The following PLPP1 variants were observed in gnomAD, a reference collection of about 807,000 sequenced individuals.
PLPP1 encodes phospholipid phosphatase 1.
In PLPP1, 24 loss-of-function variants were observed where a neutral mutation model predicts 31.2. The ratio of observed to expected loss-of-function variants is 0.77; its 90% CI spans 0.56 to 1.08. The LOEUF is 1.08. Ranked by LOEUF, PLPP1 falls within the 50% of genes least tolerant of loss-of-function variation. PLPP1 has a pLI of 0.00. For synonymous variants in PLPP1, 146 were observed against 126.3 expected (o/e 1.16, Z -1.05); for missense variants, 319 against 342.7 (o/e 0.93, Z 0.55).
In PLPP1 at chr5:55,425,976, C is replaced by A. The variant is rs201844618; in HGVS notation, c.613G>T (p.Gly205Cys). ...ARLLRPTLQF[G>C]LVAVSIYVGL... The stretch of plus-strand genomic sequence containing the variant: ...ACATAAATGGATACGGCAACAAGAC[C>A]AAATTGCAGTGTGGGGCGTAAGAGT... The change falls in exon 5 of 6, where the codon GGT becomes TGT. Residue 205 changes from glycine to cysteine, a missense_variant. By Grantham distance (159) the Gly-to-Cys change is radical. Coordinates refer to ENST00000307259, the MANE Select transcript of PLPP1 (RefSeq NM_003711.4). 5 of 1,613,820 alleles carry A rather than the reference C, an allele frequency of 3.1e-6. No individual in the cohort carries two copies. The East Asian group carries it at 8.9e-5, about 29-fold the overall frequency.
At position 55,464,385 on chromosome 5, in the gene PLPP1, C is replaced by G. The variant is rs555733360; in HGVS notation, c.491+3484G>C. ...AAGTAGCTGGGATTACAGGTGTGCA[C>G]CACCACACCTCGCTAATTTCTGTTA... On this transcript the variant is annotated intron_variant, in intron 3 of 5. Coordinates refer to ENST00000307259, the MANE Select transcript of PLPP1 (RefSeq NM_003711.4). Among the ~76,000 whole-genome samples, 25 of 152,016 alleles carry G rather than the reference C, an allele frequency of 1.6e-4. No homozygotes were observed. The South Asian group carries it at 5.0e-3, about 30-fold the overall frequency.
At chr5:55,461,201 A>T (rs1752147261) in intron 3 of PLPP1, among the ~76,000 whole-genome samples, 1 of 152,148 alleles carries the variant, frequency 6.6e-6, no homozygotes, top group Non-Finnish European at 1.5e-5. Flanking sequence ...TCTCAGTTTT[A>T]AAAAATTAAA....
At chr5:55,524,373 C>G (rs955459644) in intron 1 of PLPP1, among the ~76,000 whole-genome samples, 1 of 152,134 alleles carries the variant, frequency 6.6e-6, no homozygotes, top group African/African-American at 2.4e-5. Flanking sequence ...GGCCATGGGT[C>G]GGACAAGCTT....
rs560096688 is a variant in PLPP1 at position 55,499,270 on chromosome 5, T to C, written c.59-23820A>G. Among the ~76,000 whole-genome samples the C allele has an allele frequency of 2.6e-5, 4 of 152,316 alleles. No homozygotes were observed. In the East Asian group the frequency reaches 7.7e-4, roughly 29 times the overall value. ...TCCATGATACACATGTTGAACTTCC[T>C]ATGTCCATATCCATCCTCCACATCC... On this transcript the variant is annotated intron_variant, in intron 1 of 5. Transcript: ENST00000307259.
intron 1 of PLPP1, among the ~76,000 whole-genome samples, chr5:55,500,554 T>C (rs997091074): frequency 6.6e-6 from 1 of 152,138 alleles, no homozygotes; most frequent in African/African-American, 2.4e-5. Flanking sequence ...GAAAACTTAT[T>C]TTCTACTGTA....
intron 1 of PLPP1, among the ~76,000 whole-genome samples, chr5:55,482,099 T>C (rs939658783): frequency 2.7e-5 from 4 of 147,744 alleles, no homozygotes; most frequent in Admixed American, 1.4e-4. Context: ...TATTTAAATA[T>C]TATATTTAAG....
intron 1 of PLPP1, among the ~76,000 whole-genome samples, chr5:55,531,452 C>T (rs1260801752): frequency 6.6e-6 from 1 of 152,180 alleles, no homozygotes; most frequent in African/African-American, 2.4e-5. Context: ...GTAACATCAT[C>T]ATATTAAAAT....
At position 55,451,667 on chromosome 5, in the gene PLPP1, T is replaced by C. The variant is rs1751895703; in HGVS notation, c.492-9759A>G. 3.3e-5 allele frequency among the ~76,000 whole-genome samples: 5 copies of C among 152,064 alleles called. No homozygotes were observed. The South Asian group carries it at 1.0e-3, about 32-fold the overall frequency. The stretch of plus-strand genomic sequence containing the variant: ...ACCTCTGCCTTCCGGGTTCAGGCAG[T>C]TCTCCTGCCTCAGCCTCCTGAGTAG... On this transcript the variant is annotated intron_variant, in intron 3 of 5. Transcript: ENST00000307259.
At chr5:55,482,271 C>A (rs528988922) in intron 1 of PLPP1, among the ~76,000 whole-genome samples, 2 of 151,370 alleles carry the variant, frequency 1.3e-5, no homozygotes, top group Middle Eastern at 3.4e-3. Flanking sequence ...CTTTGTCCCC[C>A]CTCACCCCCG....
chr5:55,499,347 T>C (rs894069100), intron 1 of PLPP1, among the ~76,000 whole-genome samples: 4 of 152,226 alleles, frequency 2.6e-5, no homozygotes, highest in African/African-American at 9.6e-5. Context: ...AAGATTCCCA[T>C]GTAAAAAGTT....
At chr5:55,484,464 A>T (rs184454773) in intron 1 of PLPP1, 98 of 152,294 alleles carry the variant, frequency 6.4e-4, no homozygotes, top group African/African-American at 2.3e-3. Flanking sequence ...CCAACTCCTA[A>T]GTAAACTTGG....
chr5:55,471,185 T>C (rs1017086107), intron 2 of PLPP1, among the ~76,000 whole-genome samples: 13 of 151,822 alleles, frequency 8.6e-5, no homozygotes, highest in Admixed American at 5.3e-4. Flanking sequence ...AAAGTCAAAA[T>C]TGTTTCATCA....
intron 1 of PLPP1, among the ~76,000 whole-genome samples, chr5:55,479,236 AG>A (rs1752622385): frequency 6.6e-6 from 1 of 152,286 alleles, no homozygotes; most frequent in Admixed American, 6.5e-5. Flanking sequence ...CATGTTGGCC[AG>A]GCTAGTCTCA....
chr5:55,496,529 G>C (rs1486819812), intron 1 of PLPP1, among the ~76,000 whole-genome samples: 1 of 152,152 alleles, frequency 6.6e-6, no homozygotes, highest in Non-Finnish European at 1.5e-5. Flanking sequence ...TCTGTTGCTA[G>C]CCCAGGATAC....
intron 4 of PLPP1, among the ~76,000 whole-genome samples, chr5:55,427,920 G>A (rs989255333): frequency 6.6e-6 from 1 of 151,956 alleles, no homozygotes; most frequent in African/African-American, 2.4e-5. Context: ...CGAGTAGCTG[G>A]GATTACAGGC....
intron 1 of PLPP1, among the ~76,000 whole-genome samples, chr5:55,488,417 A>G (rs2111844694): frequency 6.6e-6 from 1 of 151,998 alleles, no homozygotes; most frequent in East Asian, 1.9e-4. Context: ...AGGCCGAGGC[A>G]GGTGGATCAC....
At chr5:55,444,314 CAT>C (rs1278548838) in intron 3 of PLPP1, among the ~76,000 whole-genome samples, 1 of 152,188 alleles carries the variant, frequency 6.6e-6, no homozygotes, top group Non-Finnish European at 1.5e-5. Flanking sequence ...CTCCTGACCT[CAT>C]GTGATCCGTC....
intron 3 of PLPP1, among the ~76,000 whole-genome samples, chr5:55,449,615 A>T (rs917101488): frequency 2.6e-5 from 4 of 152,208 alleles, no homozygotes; most frequent in Non-Finnish European, 5.9e-5. Flanking sequence ...TTTAACATAT[A>T]TATGTATTTA....
chr5:55,454,934 T>A (rs1751972236), intron 3 of PLPP1, among the ~76,000 whole-genome samples: 1 of 152,196 alleles, frequency 6.6e-6, no homozygotes, highest in Admixed American at 6.5e-5. Flanking sequence ...ACTAGGTACG[T>A]AAGTACCACA....
Sources: allele counts gnomAD v4.1 joint callset (sites outside exome capture counted in the v4.1 genomes callset), GRCh38; gene constraint gnomAD v4.1.1; transcripts MANE v1.5; gene names NCBI Gene and HGNC (gene_info 2026-07-23, HGNC 2026-07-21).